Variants in OGA observed in about 807,000 individuals in gnomAD.
OGA encodes O-GlcNAcase, also known as protein O-GlcNAcase.
Under a neutral mutation model 102.0 loss-of-function variants are expected in OGA, and 21 were observed. The observed-to-expected ratio is 0.21, with a 90% CI of 0.15 to 0.30. OGA has a LOEUF of 0.30. Among genes scored for constraint, OGA ranks in the 10% least tolerant of loss-of-function variants. OGA has a pLI of 1.00. For missense variants in OGA, 765 were observed against 1,107.8 expected (o/e 0.69, Z 4.39); for synonymous variants, 408 against 378.2 (o/e 1.08, Z -0.91).
In OGA at chr10:101,800,288, T is replaced by A; in HGVS notation, c.1149A>T (p.Ala383=). The A allele has an allele frequency of 1.2e-6, 2 of 1,614,146 alleles. No individual in the cohort carries two copies. The highest frequency in any genetic ancestry group is 8.5e-7 in the Non-Finnish European group (1 of 1,179,968). ...LYSPQMALKL[A]LTEWLQEFGV... is the part of the protein sequence containing the mutation. ...CAAACTCTTGCAACCATTCTGTTAA[T>A]GCTAGCTTTAGAGCCATCTGTGGAC... Residue 383 remains alanine, a synonymous_variant, in exon 8 of 16, where the codon GCA becomes GCT. Transcript: ENST00000361464.
chr10:101,794,099 C>T (rs924010807), intron 10 of OGA, 101 bp from the exon 11 acceptor site: 3 of 765,552 alleles, frequency 3.9e-6, no homozygotes, highest in Non-Finnish European at 6.7e-6. Flanking sequence ...AAATAACTCT[C>T]TAACAATAAT....
chr10:101,787,781 T>G, intron 14 of OGA: 1 of 369,254 alleles, frequency 2.7e-6, no homozygotes, highest in Non-Finnish European at 5.1e-6. Flanking sequence ...TCTCTCTCTC[T>G]TTCCCTATTT....
rs1023265887 is a variant in OGA, at chr10:101,800,320, G to C, written c.1117C>G (p.Leu373Val). The C allele has an allele frequency of 6.2e-7, 1 of 1,613,278 alleles. No individual in the cohort carries two copies. The highest frequency in any genetic ancestry group is 8.5e-7 in the Non-Finnish European group (1 of 1,179,222). ...GSDEDIETDVLYSPQMALKLA... is the reference protein window; with the variant it reads ...GSDEDIETDVVYSPQMALKLA... ...TTTAGAGCCATCTGTGGACTATAGA[G>C]TACATCAGTTTCAATATCTTCATCA... is the stretch of plus-strand genomic sequence containing the variant. The change falls in exon 8 of 16, where the codon CTC becomes GTC. Residue 373 changes from leucine (L) to valine (V), a missense_variant. Physicochemically the swap from Leu to Val is conservative, Grantham distance 32. Transcript: ENST00000361464.
chr10:101,789,592 GAAGAA>G (rs767048453), intron 14 of OGA, among the ~76,000 whole-genome samples: 2 of 151,986 alleles, frequency 1.3e-5, no homozygotes, highest in African/African-American at 2.4e-5. Flanking sequence ...AAACAACATA[GAAGAA>G]AAGAAAAAAG....
At chr10:101,793,714 G>T (rs543594363) in intron 11 of OGA, 199 bp downstream of exon 11, 2 of 508,060 alleles carry the variant, frequency 3.9e-6, no homozygotes, top group East Asian at 3.5e-5. Context: ...GCAGGCGCGG[G>T]GGGGATTGGC....
At chr10:101,812,623 A>C (rs1428908152) in intron 3 of OGA, among the ~76,000 whole-genome samples, 4 of 152,254 alleles carry the variant, frequency 2.6e-5, no homozygotes, top group Non-Finnish European at 5.9e-5. Flanking sequence ...GTTTTTTAAA[A>C]AAATTGCATA....
At chr10:101,792,516 A>G (rs528839524) in intron 12 of OGA, 2 of 190,216 alleles carry the variant, frequency 1.1e-5, no homozygotes, top group African/African-American at 4.7e-5. Context: ...CACAATTGAA[A>G]GAAAATTACA....
intron 5 of OGA, among the ~76,000 whole-genome samples, chr10:101,806,815 T>C (rs1396664507): frequency 6.6e-6 from 1 of 152,158 alleles, no homozygotes; most frequent in Non-Finnish European, 1.5e-5. Context: ...GGCTCACACC[T>C]GCAATCCCAG....
chr10:101,807,748 A>G lies in OGA; in HGVS notation c.634T>C (p.Phe212Leu). ...ACAATACCTGTGGGACAGAAGAGGAAAGTTTCTGGCTCTCCTAGGTACTGA... is the reference window on the plus strand; with the variant it reads ...ACAATACCTGTGGGACAGAAGAGGAGAGTTTCTGGCTCTCCTAGGTACTGA... ...IYQYLGEPETFLFCPTEYCGT... is the reference protein window; with the variant it reads ...IYQYLGEPETLLFCPTEYCGT... The change falls in exon 5 of 16, where the codon TTC becomes CTC. Residue 212 changes from phenylalanine (F) to leucine (L), a missense_variant. Physicochemically the swap from Phe to Leu is conservative, Grantham distance 22. Around this residue, in one of 7 missense-constraint regions of OGA, gnomAD observed 165 missense variants for 249.7 expected, o/e 0.66. Transcript: ENST00000361464. 1.3e-6 allele frequency: 2 copies of G among 1,598,686 alleles called. No homozygotes were observed. Among genetic ancestry groups the G allele is most frequent in the South Asian group, 1.1e-5 (1 of 87,956 alleles).
At chr10:101,798,711 G>C in intron 9 of OGA, 131 bp downstream of exon 9, 1 of 1,185,910 alleles carries the variant, frequency 8.4e-7, no homozygotes. Context: ...ATCATAACCG[G>C]CCTAAAGAAC....
At position 101,806,151 on chromosome 10, in the gene OGA, T is replaced by C. The variant is rs1277662599; in HGVS notation, c.653-8A>G. On this transcript the variant is annotated splice_polypyrimidine_tract_variant and splice_region_variant and intron_variant, in intron 5 of 15. Coordinates refer to ENST00000361464, the MANE Select transcript of OGA (RefSeq NM_012215.5). ...AGAAAGTGCCACAGTATTCTAAATG[T>C]AGGGAGAAAAGTAAAAAAGTCAGAA... 19 of 1,533,928 alleles carry C rather than the reference T, an allele frequency of 1.2e-5. No individual in the cohort carries two copies. The highest frequency in any genetic ancestry group is 6.9e-5 in the African/African-American group (5 of 72,968).
At position 101,799,417 on chromosome 10, in the gene OGA, C is replaced by T; in HGVS notation, c.1234G>A (p.Val412Ile). The T allele has an allele frequency of 6.2e-7, 1 of 1,614,044 alleles. No individual in the cohort carries two copies. The highest frequency in any genetic ancestry group is 8.5e-7 in the Non-Finnish European group (1 of 1,179,918). Reference protein sequence around the residue: ...VAHSGAKASVVDGTPLVAAPS... With the variant: ...VAHSGAKASVIDGTPLVAAPS... ...GCTGCAACTAAAGGAGTCCCATCAACTACACTTGCTTTAGCTCCACTGTGT... is the reference window on the plus strand; with the variant it reads ...GCTGCAACTAAAGGAGTCCCATCAATTACACTTGCTTTAGCTCCACTGTGT... Residue 412 changes from valine (V) to isoleucine (I), a missense_variant, in exon 9 of 16, where the codon GTT (valine) becomes ATT (isoleucine). Coordinates refer to ENST00000361464, the MANE Select transcript of OGA (RefSeq NM_012215.5).
At position 101,799,182 on chromosome 10, in the gene OGA, G is replaced by A. The variant is rs200085517; in HGVS notation, c.1469C>T (p.Ala490Val). 7.9e-5 allele frequency: 128 copies of A among 1,613,952 alleles called. No individual in the cohort carries two copies. The highest frequency in any genetic ancestry group is 9.8e-5 in the Non-Finnish European group (116 of 1,180,028). ...DNQILSEIVEAKMAEELKPMD... is the reference protein window; with the variant it reads ...DNQILSEIVEVKMAEELKPMD... ...TGGTTTCAATTCCTCTGCCATTTTCGCTTCAACAATTTCACTCAGTATTTG... is the reference window on the plus strand; with the variant it reads ...TGGTTTCAATTCCTCTGCCATTTTCACTTCAACAATTTCACTCAGTATTTG... The change falls in exon 9 of 16, where the codon GCG (alanine) becomes GTG (valine). Residue 490 changes from alanine to valine, a missense_variant. Physicochemically the swap from Ala to Val is moderately conservative, Grantham distance 64. Transcript: ENST00000361464.
chr10:101,818,224 C>G lies in OGA; in HGVS notation c.-202G>C. 7.4e-7 allele frequency: 1 copy of G among 1,342,394 alleles called. No individual in the cohort carries two copies. The highest frequency in any genetic ancestry group is 9.5e-7 in the Non-Finnish European group (1 of 1,050,596). The allele number at this position is 1,342,394 out of a possible 1,614,324, so 83.2% of individuals were successfully genotyped here. On this transcript the variant is annotated 5_prime_UTR_variant, in exon 1 of 16. Transcript: ENST00000361464. Reference sequence around the variant, plus strand: ...AAGGGCGGCGGCACCGGCGCGAGCCCTTTGTCAGCCGCAGCCTCGGCTTTA... The same window carrying G: ...AAGGGCGGCGGCACCGGCGCGAGCCGTTTGTCAGCCGCAGCCTCGGCTTTA...
chr10:101,803,394 G>C (rs900711492), intron 7 of OGA, among the ~76,000 whole-genome samples: 3 of 150,192 alleles, frequency 2.0e-5, no homozygotes, highest in African/African-American at 7.4e-5. Context: ...TGTCCAGGCT[G>C]GAGTGCATTT....
chr10:101,789,903 T>C (rs1489900999), intron 14 of OGA, among the ~76,000 whole-genome samples: 2 of 152,170 alleles, frequency 1.3e-5, no homozygotes, highest in Non-Finnish European at 2.9e-5. Flanking sequence ...AACTTGAGCC[T>C]GGGAGGTCAA....
chr10:101,795,806 TA>T (rs1481785992), intron 10 of OGA: 42 of 712,140 alleles, frequency 5.9e-5, no homozygotes, highest in Non-Finnish European at 6.7e-5. Context: ...TTGATGAGCT[TA>T]AAAAAAATAA....
chr10:101,812,850 GACCT>G, intron 3 of OGA, 176 bp downstream of exon 3: 1 of 672,110 alleles, frequency 1.5e-6, no homozygotes, highest in Admixed American at 2.0e-5. Flanking sequence ...ATATGGTCAT[GACCT>G]TGCTAGCGCA....
chr10:101,786,665 G>C lies in OGA; in HGVS notation c.2615-78C>G, dbSNP rs900983322. ...TTATAGATATAAAACTATAATCTTC[G>C]AGATGGTTAATATAAACAGGGCTTG... is the stretch of plus-strand genomic sequence containing the variant. On this transcript the variant is annotated intron_variant, in intron 15 of 15. Coordinates refer to ENST00000361464, the MANE Select transcript of OGA (RefSeq NM_012215.5). The C allele has an allele frequency of 5.0e-6, 6 of 1,200,694 alleles. No individual in the cohort carries two copies. The South Asian group carries it at 1.2e-4, about 23-fold the overall frequency. The allele number at this position is 1,200,694 out of a possible 1,614,324, so 74.4% of individuals were successfully genotyped here.
Sources: gnomAD v4.1 joint callset for allele counts (sites outside exome capture counted in the v4.1 genomes callset) on GRCh38, gnomAD v4.1.1 for gene constraint, gnomAD v4.1.1 regional missense constraint, MANE v1.5 for transcripts, NCBI Gene and HGNC (gene_info 2026-07-23, HGNC 2026-07-21) for gene names.